The following CCNG1 variants were observed in gnomAD, a reference collection of about 807,000 sequenced individuals.
The protein encoded by CCNG1 is cyclin G1, also known as cyclin-G1.
Under a neutral mutation model 30.0 loss-of-function variants are expected in CCNG1, and 13 were observed. The observed-to-expected ratio is 0.43, with a 90% CI of 0.28 to 0.69. CCNG1 has a LOEUF of 0.69. Ranked by LOEUF, CCNG1 falls within the 30% of genes least tolerant of loss-of-function variation. The pLI, the probability that CCNG1 is intolerant of heterozygous loss-of-function variation, is 0.16. For missense variants in CCNG1, 285 were observed against 331.4 expected, an observed-to-expected ratio of 0.86 and a Z score of 1.09; for synonymous variants, 110 against 121.5, an observed-to-expected ratio of 0.91 and a Z score of 0.62.
chr5:163,446,529 C>T (rs1011997795), downstream of CCNG1: 1 of 152,188 alleles, frequency 6.6e-6, no homozygotes, highest in Non-Finnish European at 1.5e-5. Flanking sequence ...AGTGAAATTG[C>T]TTGTATAATT....
At chr5:163,445,512 G>A (rs1758019017), downstream of CCNG1, among the ~76,000 whole-genome samples, 1 of 152,056 alleles carries the variant, frequency 6.6e-6, no homozygotes, top group South Asian at 2.1e-4. Flanking sequence ...GGAGTGCAGT[G>A]GCGCGATCTT....
At chr5:163,457,625 T>C in the CCNG1 span, 2 of 1,507,206 alleles carry the variant, frequency 1.3e-6, no homozygotes, top group South Asian at 1.2e-5. Context: ...AAAATAAACA[T>C]ATAAGGTGCT....
downstream of CCNG1, chr5:163,448,519 A>G (rs1758100507): frequency 6.6e-6 from 1 of 152,198 alleles, no homozygotes; most frequent in African/African-American, 2.4e-5. Flanking sequence ...TAAAAATTGA[A>G]CCATTGTTTA....
chr5:163,439,521 G>A lies in CCNG1; in HGVS notation c.264+1G>A, dbSNP rs1176286702. The A allele has an allele frequency of 5.0e-6, 8 of 1,610,124 alleles. No homozygotes were observed. The African/African-American group carries it at 1.1e-4, about 22-fold the overall frequency. On this transcript the variant is annotated splice_donor_variant, in intron 2 of 6. Transcript: ENST00000340828. LOFTEE classifies it high-confidence loss of function. ...GGACAGATTCCTGTCTAAAATGAAG[G>A]TATGTTTGAAGCTACATTTTTGTAA...
At chr5:163,457,143 T>G in the CCNG1 span, 1 of 1,497,774 alleles carries the variant, frequency 6.7e-7, no homozygotes. Context: ...CAAGTTGTTT[T>G]TTTTTTTTTT....
intron 6 of CCNG1, among the ~76,000 whole-genome samples, chr5:163,443,070 G>T (rs1310502509): frequency 6.6e-6 from 1 of 152,192 alleles, no homozygotes; most frequent in Non-Finnish European, 1.5e-5. Context: ...AGCACTTTGG[G>T]AGGCCAAGGC....
the CCNG1 span, chr5:163,456,806 T>G: frequency 1.3e-6 from 1 of 795,520 alleles, no homozygotes; most frequent in South Asian, 3.1e-5. Flanking sequence ...CAATTCACTT[T>G]AAAAATTCTT....
At position 163,441,341 on chromosome 5, in the gene CCNG1, C is replaced by CTTTGT. The variant is rs748683375; in HGVS notation, c.518+15_518+19dup. On this transcript the variant is annotated intron_variant, in intron 3 of 6. Coordinates refer to ENST00000340828, the MANE Select transcript of CCNG1 (RefSeq NM_004060.4). ...ACTTGCCACTTGAAAGGTAAGTGAC[C>CTTTGT]TTTGTTTTGAACAAGAGACATTTGG... The CTTTGT allele has an allele frequency of 6.2e-7, 1 of 1,610,572 alleles. No individual in the cohort carries two copies. Among genetic ancestry groups the CTTTGT allele is most frequent in the South Asian group, 1.1e-5 (1 of 90,666 alleles).
At chr5:163,451,836 CTGA>C in the CCNG1 span, 3 of 152,338 alleles carry the variant, frequency 2.0e-5, no homozygotes, top group Non-Finnish European at 4.4e-5. Flanking sequence ...GGCGGATCAC[CTGA>C]TGTCCGGAGT....
chr5:163,444,026 A>AC lies in CCNG1; in HGVS notation c.*357dup. 1 of 248,146 alleles carries AC rather than the reference A, an allele frequency of 4.0e-6. No homozygotes were observed. 15.4% of individuals were successfully genotyped at this position (248,146 alleles called of 1,614,324 possible). ...ATGCTATTGGAGGAGTCACACTAATACTATCAACTATCAGTCTTCCCACAG... is the reference window on the plus strand; with the variant it reads ...ATGCTATTGGAGGAGTCACACTAATACCTATCAACTATCAGTCTTCCCACAG... On this transcript the variant is annotated 3_prime_UTR_variant, in exon 7 of 7. Coordinates refer to ENST00000340828, the MANE Select transcript of CCNG1 (RefSeq NM_004060.4).
chr5:163,449,393 TAAC>T (rs1758120397), downstream of CCNG1: 2 of 152,142 alleles, frequency 1.3e-5, no homozygotes, highest in Non-Finnish European at 1.5e-5. Context: ...TAATACAACT[TAAC>T]AATAGTTCCT....
chr5:163,456,607 G>A, the CCNG1 span, among the ~76,000 whole-genome samples: 2 of 152,066 alleles, frequency 1.3e-5, no homozygotes, highest in South Asian at 2.1e-4. Flanking sequence ...GGAGAATGGT[G>A]GTGAAGGGGC....
At chr5:163,456,640 A>C in the CCNG1 span, among the ~76,000 whole-genome samples, 1 of 152,188 alleles carries the variant, frequency 6.6e-6, no homozygotes, top group Non-Finnish European at 1.5e-5. Context: ...ACACTAGGTA[A>C]GTCTATATTG....
At chr5:163,446,606 A>G (rs1437188166), downstream of CCNG1, 2 of 152,244 alleles carry the variant, frequency 1.3e-5, no homozygotes, top group African/African-American at 4.8e-5. Context: ...GAATAATAAC[A>G]ACACTCAATT....
At chr5:163,445,296 A>G (rs1758011037), downstream of CCNG1, among the ~76,000 whole-genome samples, 1 of 152,126 alleles carries the variant, frequency 6.6e-6, no homozygotes, top group Non-Finnish European at 1.5e-5. Context: ...TAAAATCCCC[A>G]TTAATAATAT....
At chr5:163,438,792 C>T (rs1757631935) in intron 1 of CCNG1, among the ~76,000 whole-genome samples, 1 of 152,134 alleles carries the variant, frequency 6.6e-6, no homozygotes, top group African/African-American at 2.4e-5. Context: ...CTTTGGAAGG[C>T]CGAGGCGGGC....
At chr5:163,443,578 T>C (rs533200121) in intron 6 of CCNG1, 96 bp from the exon 7 acceptor site, 3 of 673,706 alleles carry the variant, frequency 4.5e-6, no homozygotes, top group Admixed American at 5.0e-5. Context: ...CATGTGATTA[T>C]GAATATTAGA....
the CCNG1 span, chr5:163,452,494 A>T: frequency 6.6e-6 from 1 of 152,224 alleles, no homozygotes; most frequent in Non-Finnish European, 1.5e-5. Flanking sequence ...CAATGTAATG[A>T]TAATAGGTTT....
At chr5:163,454,915 A>C in the CCNG1 span, among the ~76,000 whole-genome samples, 5 of 152,198 alleles carry the variant, frequency 3.3e-5, no homozygotes, top group Non-Finnish European at 7.4e-5. Context: ...ACCATAAATC[A>C]ACCAGTACAG....
Sources: gnomAD v4.1 joint callset for allele counts (sites outside exome capture counted in the v4.1 genomes callset) on GRCh38, gnomAD v4.1.1 for gene constraint, MANE v1.5 for transcripts, NCBI Gene and HGNC (gene_info 2026-07-23, HGNC 2026-07-21) for gene names.